Variants in TBC1D5 observed in about 807,000 individuals in gnomAD.
TBC1D5 encodes TBC1 domain family member 5, also known as TBC1 domain family, member 5.
TBC1D5 carries 75 observed loss-of-function variants against 100.3 expected under a neutral mutation model. The ratio of observed to expected loss-of-function variants is 0.75; its 90% confidence interval spans 0.62 to 0.91. The LOEUF (loss-of-function observed/expected upper bound fraction) is 0.91. Ranked by LOEUF, TBC1D5 falls within the 40% of genes least tolerant of loss-of-function variation. The pLI is 0.00. For missense variants in TBC1D5, 910 were observed against 942.4 expected (o/e 0.97, Z 0.45); for synonymous variants, 323 against 325.6 (o/e 0.99, Z 0.09).
At chr3:17,646,039 A>C (rs941287295) in intron 1 of TBC1D5, among the ~76,000 whole-genome samples, 1 of 152,146 alleles carries the variant, frequency 6.6e-6, no homozygotes, top group African/African-American at 2.4e-5. Flanking sequence ...ATTCAGAAAT[A>C]GGGTCTTTAC....
chr3:17,461,228 T>C (rs1287400666), intron 3 of TBC1D5, among the ~76,000 whole-genome samples: 1 of 152,210 alleles, frequency 6.6e-6, no homozygotes, highest in East Asian at 1.9e-4. Context: ...AGTTTAACAT[T>C]TTCAGTTAAT....
chr3:17,315,822 G>A (rs1294444431), intron 13 of TBC1D5, among the ~76,000 whole-genome samples: 3 of 152,166 alleles, frequency 2.0e-5, no homozygotes, highest in African/African-American at 4.8e-5. Context: ...AGTAGCCAGG[G>A]GAAAGATAAA....
chr3:17,563,791 G>A (rs939194076), intron 2 of TBC1D5, among the ~76,000 whole-genome samples: 3 of 151,710 alleles, frequency 2.0e-5, no homozygotes, highest in Non-Finnish European at 4.4e-5. Context: ...TTGTTTTTTT[G>A]GTTTTTTTTG....
At chr3:17,361,227 TA>T (rs887679329) in intron 13 of TBC1D5, among the ~76,000 whole-genome samples, 23 of 152,010 alleles carry the variant, frequency 1.5e-4, no homozygotes, top group Non-Finnish European at 3.1e-4. Flanking sequence ...CTGAGTTGCC[TA>T]ATTTTTTTTT....
intron 3 of TBC1D5, among the ~76,000 whole-genome samples, chr3:17,481,260 G>C (rs889246907): frequency 1.3e-5 from 2 of 152,202 alleles, no homozygotes; most frequent in Non-Finnish European, 2.9e-5. Context: ...GCCTGGCTGC[G>C]TGCAGTGGCC....
chr3:17,705,698 G>A (rs1392403173), intron 1 of TBC1D5, among the ~76,000 whole-genome samples: 1 of 139,494 alleles, frequency 7.2e-6, no homozygotes, highest in Non-Finnish European at 1.6e-5. Context: ...ATGGCGGCTG[G>A]GAAGAGGCGC....
chr3:17,732,088 C>G (rs1384283022), intron 1 of TBC1D5, among the ~76,000 whole-genome samples: 2 of 152,052 alleles, frequency 1.3e-5, no homozygotes, highest in Non-Finnish European at 2.9e-5. Flanking sequence ...GAGGCCGAGG[C>G]AGGCAGATCA....
chr3:17,466,574 A>T (rs548465510), intron 3 of TBC1D5, among the ~76,000 whole-genome samples: 1 of 152,278 alleles, frequency 6.6e-6, no homozygotes, highest in African/African-American at 2.4e-5. Context: ...AAACTGATGG[A>T]CTTTAGGCAA....
chr3:17,182,755 T>C (rs2068588153), intron 19 of TBC1D5, among the ~76,000 whole-genome samples: 2 of 152,220 alleles, frequency 1.3e-5, no homozygotes, highest in Non-Finnish European at 2.9e-5. Flanking sequence ...ATCTGTTTAT[T>C]AGTTCTTTTT....
chr3:17,701,840 C>T (rs2073260875), intron 1 of TBC1D5, among the ~76,000 whole-genome samples: 1 of 151,156 alleles, frequency 6.6e-6, no homozygotes, highest in Admixed American at 6.6e-5. Context: ...CCTGACCAGA[C>T]TAGCTTTTTC....
chr3:17,322,469 G>A (rs1029071796), intron 13 of TBC1D5, among the ~76,000 whole-genome samples: 11 of 152,280 alleles, frequency 7.2e-5, no homozygotes, highest in Admixed American at 5.2e-4. Flanking sequence ...GATAAGCAGC[G>A]CAGCACTGTG....
chr3:17,243,684 C>T (rs2076497071), intron 16 of TBC1D5, among the ~76,000 whole-genome samples: 1 of 151,880 alleles, frequency 6.6e-6, no homozygotes, highest in South Asian at 2.1e-4. Flanking sequence ...AACAAGAAGG[C>T]ATGGATAACA....
At chr3:17,716,897 C>T (rs1360935517) in intron 1 of TBC1D5, among the ~76,000 whole-genome samples, 1 of 152,144 alleles carries the variant, frequency 6.6e-6, no homozygotes, top group Non-Finnish European at 1.5e-5. Flanking sequence ...ATATTCCCAG[C>T]AATCCCCAAA....
chr3:17,195,509 T>C (rs947920646), intron 18 of TBC1D5, among the ~76,000 whole-genome samples: 1 of 152,230 alleles, frequency 6.6e-6, no homozygotes, highest in African/African-American at 2.4e-5. Flanking sequence ...CTGGCCCAGA[T>C]AGAAGGGCCT....
At chr3:17,291,953 G>A (rs2150157073) in exon 15 of TBC1D5, 1 of 1,613,938 alleles carries the variant, frequency 6.2e-7, no homozygotes, top group East Asian at 2.2e-5. Flanking sequence ...CCCGATGAAT[G>A]GGTAATGCAT....
chr3:17,249,144 T>C (rs1395594264), intron 16 of TBC1D5, among the ~76,000 whole-genome samples: 2 of 152,242 alleles, frequency 1.3e-5, no homozygotes, highest in Non-Finnish European at 2.9e-5. Flanking sequence ...ACTCAAACTT[T>C]CTCCATATCA....
At chr3:17,439,764 C>A (rs1436499967) in intron 3 of TBC1D5, among the ~76,000 whole-genome samples, 1 of 151,986 alleles carries the variant, frequency 6.6e-6, no homozygotes, top group African/African-American at 2.4e-5. Context: ...TTTTTAAAAT[C>A]TGATAACTAG....
chr3:17,168,145 C>G (rs1246596262), intron 19 of TBC1D5, among the ~76,000 whole-genome samples: 7 of 152,166 alleles, frequency 4.6e-5, no homozygotes. Context: ...GGCCATTCAT[C>G]TAATCTCTAG....
intron 3 of TBC1D5, among the ~76,000 whole-genome samples, chr3:17,479,793 G>A (rs1006939283): frequency 6.6e-6 from 1 of 152,238 alleles, no homozygotes; most frequent in African/African-American, 2.4e-5. Flanking sequence ...GGGCCACTGT[G>A]AAGATGCTGG....
Sources: allele counts gnomAD v4.1 joint callset (sites outside exome capture counted in the v4.1 genomes callset), GRCh38; gene constraint gnomAD v4.1.1; transcripts MANE v1.5; gene names NCBI Gene and HGNC (gene_info 2026-07-23, HGNC 2026-07-21).